UGT8: variants seen among roughly 807,000 people sequenced by gnomAD.
UGT8 encodes 2-hydroxyacylsphingosine 1-beta-galactosyltransferase.
In UGT8, 12 loss-of-function variants were observed where a neutral mutation model predicts 40.5. The ratio of observed to expected loss-of-function variants is 0.30; its 90% confidence interval spans 0.19 to 0.48. The LOEUF is 0.48. UGT8 is among the 20% of genes least tolerant of loss of function. The probability of loss-of-function intolerance (pLI) is 0.99; values close to 1 mark genes in which losing one functional copy is unlikely to be tolerated. For missense variants in UGT8, 513 were observed against 648.7 expected, an observed-to-expected ratio of 0.79 and a Z score of 2.27; for synonymous variants, 224 against 240.4, an observed-to-expected ratio of 0.93 and a Z score of 0.63.
chr4:114,671,407 G>A (rs1461383706), intron 5 of UGT8, among the ~76,000 whole-genome samples: 4 of 152,078 alleles, frequency 2.6e-5, no homozygotes, highest in Non-Finnish European at 4.4e-5. Flanking sequence ...GAGGCATTAC[G>A]CTACCTGACT....
intron 2 of UGT8, among the ~76,000 whole-genome samples, chr4:114,625,996 T>C (rs772242153): frequency 5.9e-5 from 9 of 152,210 alleles, no homozygotes; most frequent in East Asian, 1.9e-4. Flanking sequence ...AGACATGGCA[T>C]GTGTGCATGT....
chr4:114,623,421 A>G lies in UGT8; in HGVS notation c.541A>G (p.Asn181Asp). The G allele has an allele frequency of 6.2e-7, 1 of 1,614,170 alleles. No individual in the cohort carries two copies. The highest frequency in any genetic ancestry group is 1.1e-5 in the South Asian group (1 of 91,088). ...TCCATTAGCATACGTCCCAGAGTTT[A>G]ACTCACTCCTCACAGACCGCATGAA... ...PAPLAYVPEF[N>D]SLLTDRMNLL... Residue 181 changes from asparagine to aspartate, a missense_variant, in exon 2 of 6, where the codon AAC becomes GAC. Around this residue, in one of 3 missense-constraint regions of UGT8, gnomAD observed 335 missense variants for 444.8 expected, o/e 0.75. Transcript: ENST00000310836.
At chr4:114,626,839 A>T (rs1263534184) in intron 2 of UGT8, among the ~76,000 whole-genome samples, 1 of 152,164 alleles carries the variant, frequency 6.6e-6, no homozygotes, top group Non-Finnish European at 1.5e-5. Flanking sequence ...TATTTATTTT[A>T]TGTCTCTCAA....
chr4:114,600,971 A>G (rs75292782), intron 1 of UGT8, among the ~76,000 whole-genome samples: 209 of 152,344 alleles, frequency 1.4e-3, no homozygotes, highest in Admixed American at 2.7e-3. Context: ...TTTAAAAACT[A>G]CAATAAAGCA....
rs1255599242 is a variant in UGT8, at chr4:114,665,690, C to A, written c.976C>A (p.Pro326Thr). 8.1e-6 allele frequency: 13 copies of A among 1,604,968 alleles called. No homozygotes were observed. Among genetic ancestry groups the A allele is most frequent in the Non-Finnish European group, 1.1e-5 (13 of 1,176,518 alleles). The change falls in exon 4 of 6, where the codon CCC becomes ACC. Residue 326 changes from proline (P) to threonine (T), a missense_variant. Physicochemically the swap from Pro to Thr is conservative, Grantham distance 38. Around this residue, in one of 3 missense-constraint regions of UGT8, gnomAD observed 335 missense variants for 444.8 expected, o/e 0.75. Transcript: ENST00000310836. ...PQKVIWRFSG[P>T]KPKNLGNNTK... Reference sequence around the variant, plus strand: ...TGGTGTACATTTTAGGTTTTCTGGACCCAAACCAAAGAATCTAGGAAACAA... The same window carrying A: ...TGGTGTACATTTTAGGTTTTCTGGAACCAAACCAAAGAATCTAGGAAACAA...
intron 2 of UGT8, among the ~76,000 whole-genome samples, chr4:114,655,677 A>G (rs992653226): frequency 6.6e-6 from 1 of 152,062 alleles, no homozygotes; most frequent in African/African-American, 2.4e-5. Flanking sequence ...CCTCCAAAAC[A>G]TTGATATATA....
intron 1 of UGT8, among the ~76,000 whole-genome samples, chr4:114,603,969 T>A (rs1011794828): frequency 3.9e-5 from 6 of 152,172 alleles, no homozygotes; most frequent in African/African-American, 1.4e-4. Context: ...ACTTTTAACT[T>A]TTTTGGTTAG....
intron 1 of UGT8, among the ~76,000 whole-genome samples, chr4:114,615,302 G>A (rs1298139297): frequency 6.6e-6 from 1 of 152,064 alleles, no homozygotes; most frequent in Non-Finnish European, 1.5e-5. Context: ...TAGAAAGCTG[G>A]TAATGCAGGG....
Position 114,659,650 on chromosome 4 carries a change from C to T in UGT8, c.823-4345C>T, listed in dbSNP as rs187159701. Among the ~76,000 whole-genome samples, 50 of 152,204 alleles carry T rather than the reference C, an allele frequency of 3.3e-4. 1 individual carries two copies. The highest frequency in any genetic ancestry group is 2.5e-3 in the Admixed American group (39 of 15,298). On this transcript the variant is annotated intron_variant, in intron 2 of 5. Transcript: ENST00000310836. ...ACAAGACGATGCAATTTCTAAATTC[C>T]TGTATTGAGTGAAATGGAAGGCTTA...
chr4:114,657,948 AGCCTCTT>A (rs1734288278), intron 2 of UGT8, among the ~76,000 whole-genome samples: 1 of 152,316 alleles, frequency 6.6e-6, no homozygotes, highest in East Asian at 1.9e-4. Flanking sequence ...GTTTGAAGCA[AGCCTCTT>A]GCCAAACAAA....
chr4:114,652,417 C>G (rs2126123180), intron 2 of UGT8, among the ~76,000 whole-genome samples: 1 of 149,642 alleles, frequency 6.7e-6, no homozygotes, highest in East Asian at 2.0e-4. Flanking sequence ...TTTTAAGTAA[C>G]TAGTGTAGAG....
intron 1 of UGT8, among the ~76,000 whole-genome samples, chr4:114,602,621 T>C (rs1730506239): frequency 6.6e-6 from 1 of 152,184 alleles, no homozygotes; most frequent in Non-Finnish European, 1.5e-5. Flanking sequence ...CTGGGAGGGC[T>C]CTAGGTTTAA....
At chr4:114,666,134 A>T (rs925119969) in intron 4 of UGT8, among the ~76,000 whole-genome samples, 2 of 152,178 alleles carry the variant, frequency 1.3e-5, no homozygotes, top group Non-Finnish European at 2.9e-5. Context: ...ATGTAGATTT[A>T]GGTTACAGGT....
intron 2 of UGT8, 176 bp downstream of exon 2, chr4:114,623,878 C>T (rs1732015076): frequency 6.6e-6 from 3 of 456,016 alleles, no homozygotes; most frequent in Non-Finnish European, 5.8e-6. Flanking sequence ...CCCTGGGAAA[C>T]ATTCCTGCTT....
intron 1 of UGT8, among the ~76,000 whole-genome samples, chr4:114,606,087 CACA>C (rs1044021930): frequency 6.6e-5 from 10 of 151,840 alleles, no homozygotes; most frequent in South Asian, 4.1e-4. Context: ...CAGATACACA[CACA>C]ACAACAACAA....
intron 2 of UGT8, among the ~76,000 whole-genome samples, chr4:114,648,464 A>G (rs904453165): frequency 6.9e-6 from 1 of 144,438 alleles, no homozygotes; most frequent in East Asian, 2.0e-4. Flanking sequence ...GAAAGGCATT[A>G]TTTTTTAAAT....
chr4:114,666,667 A>G (rs1043626376), intron 4 of UGT8, among the ~76,000 whole-genome samples: 1 of 152,152 alleles, frequency 6.6e-6, no homozygotes, highest in Non-Finnish European at 1.5e-5. Context: ...CGACAGTGTG[A>G]CACTGTTATG....
intron 1 of UGT8, among the ~76,000 whole-genome samples, chr4:114,602,101 A>C (rs1290069387): frequency 6.6e-6 from 1 of 152,124 alleles, no homozygotes; most frequent in Non-Finnish European, 1.5e-5. Context: ...TATAGAAAAA[A>C]TTTGTGTATG....
At chr4:114,607,375 C>CTGA (rs1261546462) in intron 1 of UGT8, among the ~76,000 whole-genome samples, 1 of 152,134 alleles carries the variant, frequency 6.6e-6, no homozygotes, top group Non-Finnish European at 1.5e-5. Context: ...CCTCAGTAAT[C>CTGA]TCCTCCTTTG....
Sources: allele counts gnomAD v4.1 joint callset (sites outside exome capture counted in the v4.1 genomes callset), GRCh38; gene constraint gnomAD v4.1.1; regional missense constraint gnomAD v4.1.1; transcripts MANE v1.5; gene names NCBI Gene and HGNC (gene_info 2026-07-23, HGNC 2026-07-21).